Variants in AFG1L observed in about 807,000 individuals in gnomAD.
The protein encoded by AFG1L is AFG1 like ATPase.
In AFG1L, 53 loss-of-function variants were observed where a neutral mutation model predicts 62.2. That is an observed-to-expected ratio of 0.85 (90% confidence interval 0.68 to 1.07). The LOEUF is 1.07. Among genes scored for constraint, AFG1L ranks in the 50% least tolerant of loss-of-function variants. The pLI is 0.00. For synonymous variants in AFG1L, 228 were observed against 210.3 expected (o/e 1.08, Z -0.73); for missense variants, 555 against 590.5 (o/e 0.94, Z 0.62).
At chr6:108,440,700 A>G (rs1771507836) in intron 7 of AFG1L, among the ~76,000 whole-genome samples, 1 of 151,854 alleles carries the variant, frequency 6.6e-6, no homozygotes, top group South Asian at 2.1e-4. Flanking sequence ...GGCACCTGCA[A>G]TCCCAGCTAC....
At chr6:108,390,570 A>T (rs1253835161) in intron 6 of AFG1L, among the ~76,000 whole-genome samples, 1 of 151,832 alleles carries the variant, frequency 6.6e-6, no homozygotes, top group Non-Finnish European at 1.5e-5. Flanking sequence ...TCTGTTTGTT[A>T]GTTTTCCTTC....
intron 8 of AFG1L, among the ~76,000 whole-genome samples, chr6:108,466,773 T>TA (rs1012831610): frequency 1.2e-4 from 18 of 148,004 alleles, no homozygotes; most frequent in South Asian, 8.4e-4. Context: ...ATATATATTT[T>TA]AAAAAATATA....
At chr6:108,380,196 C>G (rs1014119120) in intron 6 of AFG1L, among the ~76,000 whole-genome samples, 8 of 151,986 alleles carry the variant, frequency 5.3e-5, no homozygotes. Flanking sequence ...GGCTGCTGAA[C>G]CCGGCAAACA....
intron 10 of AFG1L, among the ~76,000 whole-genome samples, chr6:108,491,223 A>T (rs1043440031): frequency 6.6e-6 from 1 of 152,230 alleles, no homozygotes; most frequent in African/African-American, 2.4e-5. Flanking sequence ...ACTTCTACAT[A>T]GTTCTTAAAA....
intron 8 of AFG1L, among the ~76,000 whole-genome samples, chr6:108,454,765 G>A (rs1193233712): frequency 5.9e-5 from 9 of 152,132 alleles, no homozygotes. Flanking sequence ...CAATTCTCGT[G>A]CCTCAGCCTA....
chr6:108,426,975 TG>T, intron 7 of AFG1L, among the ~76,000 whole-genome samples: 1 of 152,358 alleles, frequency 6.6e-6, no homozygotes. Context: ...CATATAGTTT[TG>T]TTTTGTTGTA....
chr6:108,355,772 AAG>A lies in AFG1L; in HGVS notation c.517+19_517+20del. On this transcript the variant is annotated intron_variant, in intron 4 of 12. Transcript: ENST00000368977. ...TGCACAAAAGTAAGCAATGATCTGAAAGAAGTGATTTTTTCAGTGGGGAAACG... is the reference window on the plus strand; with the variant it reads ...TGCACAAAAGTAAGCAATGATCTGAAAAGTGATTTTTTCAGTGGGGAAACG... 6.4e-7 allele frequency: 1 copy of A among 1,550,516 alleles called. No homozygotes were observed. Among genetic ancestry groups the A allele is most frequent in the South Asian group, 1.2e-5 (1 of 85,988 alleles).
chr6:108,482,581 T>C (rs1773367518), intron 10 of AFG1L, among the ~76,000 whole-genome samples: 1 of 152,206 alleles, frequency 6.6e-6, no homozygotes, highest in African/African-American at 2.4e-5. Flanking sequence ...CCTTTTTCTG[T>C]TCCACAATAC....
chr6:108,421,776 G>T (rs1770602935), intron 7 of AFG1L, among the ~76,000 whole-genome samples: 1 of 151,750 alleles, frequency 6.6e-6, no homozygotes, highest in Admixed American at 6.6e-5. Context: ...CTTAATCTCA[G>T]TTTTTTTTCT....
Position 108,439,489 on chromosome 6 carries a change from C to T in AFG1L, c.808-7725C>T, listed in dbSNP as rs142586743. 3.8e-3 allele frequency among the ~76,000 whole-genome samples: 574 copies of T among 152,090 alleles called. 6 individuals are homozygous for T. Among genetic ancestry groups the T allele is most frequent in the African/African-American group, 0.013 (550 of 41,464 alleles). The stretch of plus-strand genomic sequence containing the variant: ...CATGTAGATGGAAGAATCTCACAGA[C>T]GTAAAAGAACCCTATCACAAAAGAA... On this transcript the variant is annotated intron_variant, in intron 7 of 12. Coordinates refer to ENST00000368977, the MANE Select transcript of AFG1L (RefSeq NM_145315.5).
intron 1 of AFG1L, among the ~76,000 whole-genome samples, chr6:108,314,800 G>A (rs886801005): frequency 1.3e-5 from 2 of 151,622 alleles, no homozygotes; most frequent in African/African-American, 4.8e-5. Flanking sequence ...TACAAAATCT[G>A]CCTTACTTAC....
intron 2 of AFG1L, among the ~76,000 whole-genome samples, chr6:108,329,548 C>T (rs191691448): frequency 0.017 from 2,528 of 152,216 alleles, 36 homozygotes; most frequent in Non-Finnish European, 0.026. Context: ...ATCTGCCCGC[C>T]TTGGCCTCCC....
chr6:108,394,319 G>GT (rs929700574), intron 6 of AFG1L, among the ~76,000 whole-genome samples: 96 of 150,622 alleles, frequency 6.4e-4, no homozygotes, highest in Admixed American at 2.2e-3. Context: ...GGCTAATCTT[G>GT]TTTTTTTTTA....
At chr6:108,518,614 A>G (rs1417780686) in intron 11 of AFG1L, among the ~76,000 whole-genome samples, 1 of 152,202 alleles carries the variant, frequency 6.6e-6, no homozygotes, top group East Asian at 1.9e-4. Context: ...ACAAACCTGC[A>G]CGTTGTGCAC....
chr6:108,436,237 C>T (rs1001211151), intron 7 of AFG1L, among the ~76,000 whole-genome samples: 26 of 151,950 alleles, frequency 1.7e-4, no homozygotes, highest in African/African-American at 2.4e-4. Flanking sequence ...ATCTACCTCC[C>T]GGGTTCAAGT....
chr6:108,442,479 G>A (rs1771593924), intron 7 of AFG1L, among the ~76,000 whole-genome samples: 2 of 152,144 alleles, frequency 1.3e-5, no homozygotes, highest in African/African-American at 4.8e-5. Flanking sequence ...GGCCTGGGGA[G>A]TTGGGTTTGG....
intron 1 of AFG1L, among the ~76,000 whole-genome samples, chr6:108,313,026 G>C (rs760870435): frequency 2.6e-5 from 4 of 152,130 alleles, no homozygotes; most frequent in African/African-American, 7.2e-5. Flanking sequence ...TCCCTGTCTT[G>C]GTCTCCTTTT....
At chr6:108,486,221 C>T (rs992554231) in intron 10 of AFG1L, among the ~76,000 whole-genome samples, 1 of 152,010 alleles carries the variant, frequency 6.6e-6, no homozygotes. Flanking sequence ...GATGGTTTTT[C>T]TATTGCTTAC....
chr6:108,355,890 T>G, intron 4 of AFG1L, 135 bp downstream of exon 4: 1 of 667,482 alleles, frequency 1.5e-6, no homozygotes, highest in South Asian at 1.8e-5. Context: ...TCCATTTGTT[T>G]TGTGCTATGT....
Sources: allele counts gnomAD v4.1 joint callset (sites outside exome capture counted in the v4.1 genomes callset), GRCh38; gene constraint gnomAD v4.1.1; transcripts MANE v1.5; gene names NCBI Gene and HGNC (gene_info 2026-07-23, HGNC 2026-07-21).